Variants in EYA4 observed in about 807,000 individuals in gnomAD.
The protein encoded by EYA4 is EYA transcriptional coactivator and phosphatase 4, also known as protein phosphatase EYA4.
In EYA4, 31 loss-of-function variants were observed where a neutral mutation model predicts 87.9. The ratio of observed to expected loss-of-function variants is 0.35; its 90% CI spans 0.27 to 0.48. The LOEUF (loss-of-function observed/expected upper bound fraction) is 0.48. EYA4 is among the 20% of genes least tolerant of loss of function. The pLI is 0.99. For missense variants in EYA4, 678 were observed against 761.4 expected (o/e 0.89, Z 1.29); for synonymous variants, 263 against 270.6 (o/e 0.97, Z 0.28).
At chr6:133,526,263 A>G (rs1800623386) in intron 19 of EYA4, among the ~76,000 whole-genome samples, 1 of 152,210 alleles carries the variant, frequency 6.6e-6, no homozygotes, top group Admixed American at 6.5e-5. Context: ...TTTTTAAAAC[A>G]ATGACATGCC....
intron 3 of EYA4, among the ~76,000 whole-genome samples, chr6:133,420,568 G>T (rs1004074226): frequency 8.5e-5 from 13 of 152,174 alleles, no homozygotes. Context: ...CTTTCTGCCT[G>T]CCCACTTAGA....
In EYA4 at chr6:133,446,719, T is replaced by G; in HGVS notation, c.173T>G (p.Leu58Arg). ...AGCTCCAAACTGGAAAAATCTAATC[T>G]CAGCAGCACATCAGTTACTACAAAT... is the stretch of plus-strand genomic sequence containing the variant. ...PGSSKLEKSN[L>R]SSTSVTTNGT... The change falls in exon 4 of 20, where the codon CTC (leucine) becomes CGC (arginine). Residue 58 changes from leucine (L) to arginine (R), a missense_variant. Coordinates refer to ENST00000355286, the MANE Select transcript of EYA4 (RefSeq NM_004100.5). The G allele has an allele frequency of 6.2e-7, 1 of 1,614,016 alleles. No individual in the cohort carries two copies. The highest frequency in any genetic ancestry group is 1.1e-5 in the South Asian group (1 of 91,084).
chr6:133,448,685 A>G (rs1353747040), intron 5 of EYA4, among the ~76,000 whole-genome samples: 7 of 152,236 alleles, frequency 4.6e-5, no homozygotes, highest in Admixed American at 3.9e-4. Flanking sequence ...CTTAAAAATT[A>G]TCAGTAATGA....
chr6:133,440,691 A>T (rs1792186489), intron 3 of EYA4, among the ~76,000 whole-genome samples: 1 of 152,230 alleles, frequency 6.6e-6, no homozygotes, highest in Admixed American at 6.5e-5. Context: ...TGTACAAGCT[A>T]AAATTGTGAA....
At chr6:133,503,840 G>A (rs1319620503) in intron 13 of EYA4, among the ~76,000 whole-genome samples, 1 of 151,912 alleles carries the variant, frequency 6.6e-6, no homozygotes, top group African/African-American at 2.4e-5. Flanking sequence ...GAAGAAAAAA[G>A]AATTTTATAC....
chr6:133,298,138 A>G (rs1779085475), intron 2 of EYA4, among the ~76,000 whole-genome samples: 1 of 151,864 alleles, frequency 6.6e-6, no homozygotes, highest in African/African-American at 2.4e-5. Flanking sequence ...CTTTACTATG[A>G]TAATTATTTT....
At chr6:133,247,652 T>A (rs766498893) in intron 1 of EYA4, 1 of 152,228 alleles carries the variant, frequency 6.6e-6, no homozygotes, top group Non-Finnish European at 1.5e-5. Flanking sequence ...ACTGAAGCAG[T>A]GGTTTTCATT....
intron 2 of EYA4, among the ~76,000 whole-genome samples, chr6:133,372,093 TTAAC>T (rs1383931782): frequency 6.6e-6 from 1 of 152,100 alleles, no homozygotes; most frequent in Non-Finnish European, 1.5e-5. Context: ...AATTGTGAAA[TTAAC>T]TGACTAAATT....
intron 2 of EYA4, among the ~76,000 whole-genome samples, chr6:133,338,158 C>T (rs1782515266): frequency 6.6e-6 from 1 of 152,040 alleles, no homozygotes; most frequent in Non-Finnish European, 1.5e-5. Flanking sequence ...ACCATCTAGT[C>T]ATTAGCTTAA....
intron 5 of EYA4, 79 bp downstream of exon 5, chr6:133,448,258 A>G (rs1428196293): frequency 5.8e-6 from 6 of 1,029,480 alleles, no homozygotes; most frequent in South Asian, 5.1e-5. Flanking sequence ...TGCTATGTCT[A>G]TGTTTGCATC....
intron 1 of EYA4, among the ~76,000 whole-genome samples, chr6:133,260,513 C>T (rs1056389796): frequency 6.6e-6 from 1 of 152,194 alleles, no homozygotes; most frequent in African/African-American, 2.4e-5. Flanking sequence ...GCTGGGATTA[C>T]AGGCATGAGC....
At chr6:133,383,745 A>G (rs1786458871) in intron 3 of EYA4, among the ~76,000 whole-genome samples, 1 of 151,986 alleles carries the variant, frequency 6.6e-6, no homozygotes, top group African/African-American at 2.4e-5. Context: ...CAGATTTTTG[A>G]TCTTTGATCT....
chr6:133,292,593 A>G (rs182115445), intron 2 of EYA4, among the ~76,000 whole-genome samples: 3 of 152,320 alleles, frequency 2.0e-5, no homozygotes, highest in African/African-American at 7.2e-5. Flanking sequence ...ATCAACATTT[A>G]TACAAGGAAA....
chr6:133,486,347 T>C (rs540436206), intron 13 of EYA4, among the ~76,000 whole-genome samples: 49 of 151,634 alleles, frequency 3.2e-4, no homozygotes, highest in Non-Finnish European at 4.7e-4. Flanking sequence ...GCCCATCTTA[T>C]GAAGCTATGG....
intron 2 of EYA4, among the ~76,000 whole-genome samples, chr6:133,341,399 G>A (rs528292999): frequency 5.3e-5 from 8 of 152,136 alleles, no homozygotes; most frequent in African/African-American, 9.7e-5. Context: ...CAAACACTTT[G>A]TAGGTACGCA....
chr6:133,347,047 A>G (rs138667989), intron 2 of EYA4, among the ~76,000 whole-genome samples: 26 of 152,312 alleles, frequency 1.7e-4, no homozygotes, highest in Admixed American at 1.2e-3. Context: ...TGTTATTTCA[A>G]CGGTCAAAAA....
chr6:133,433,145 T>G (rs192535182), intron 3 of EYA4, among the ~76,000 whole-genome samples: 3 of 152,366 alleles, frequency 2.0e-5, no homozygotes, highest in Admixed American at 1.3e-4. Context: ...AGTGAACCAC[T>G]GAACTTCTTG....
At chr6:133,383,234 T>A (rs1786388229) in intron 3 of EYA4, among the ~76,000 whole-genome samples, 1 of 152,206 alleles carries the variant, frequency 6.6e-6, no homozygotes, top group Admixed American at 6.5e-5. Context: ...ATTTTCTTGG[T>A]ACATGAAAAC....
intron 2 of EYA4, among the ~76,000 whole-genome samples, chr6:133,363,669 G>A (rs1167939639): frequency 6.6e-6 from 1 of 152,016 alleles, no homozygotes; most frequent in Non-Finnish European, 1.5e-5. Flanking sequence ...TAGAGACAGG[G>A]TTTCACTGTG....
Sources: allele counts gnomAD v4.1 joint callset (sites outside exome capture counted in the v4.1 genomes callset), GRCh38; gene constraint gnomAD v4.1.1; transcripts MANE v1.5; gene names NCBI Gene and HGNC (gene_info 2026-07-23, HGNC 2026-07-21).